ABCB5: variants seen among roughly 807,000 people sequenced by gnomAD.
ABCB5 encodes the protein ATP-binding cassette sub-family B member 5.
ABCB5 carries 155 observed loss-of-function variants against 144.2 expected under a neutral mutation model. The ratio of observed to expected loss-of-function variants is 1.08; its 90% CI spans 0.94 to 1.23. The LOEUF (loss-of-function observed/expected upper bound fraction) is 1.23, where lower values mean the gene tolerates loss of function less well. ABCB5 is among the 50% of genes most tolerant of loss of function. The pLI, the probability that ABCB5 is intolerant of heterozygous loss-of-function variation, is 0.00. For synonymous variants in ABCB5, 610 were observed against 528.6 expected (o/e 1.15, Z -2.11); for missense variants, 1,830 against 1,520.8 (o/e 1.20, Z -3.38).
intron 1 of ABCB5, among the ~76,000 whole-genome samples, chr7:20,620,056 C>T (rs1231249799): frequency 1.3e-5 from 2 of 152,260 alleles, no homozygotes; most frequent in South Asian, 2.1e-4. Context: ...CAATACCATG[C>T]TGTTTTGGTT....
rs139613676 is a variant in ABCB5, at chr7:20,734,693, G to A, written c.2868-4290G>A. Among the ~76,000 whole-genome samples, 907 of 151,992 alleles carry A rather than the reference G, an allele frequency of 6.0e-3. 4 individuals are homozygous for A. Among genetic ancestry groups the A allele is most frequent in the African/African-American group, 0.021 (865 of 41,454 alleles). ...ACACGCATGTCTTATGGTAGAAGCC[G>A]TCTCTATTTCTACTATCCTAGAAGT... On this transcript the variant is annotated intron_variant, in intron 23 of 27. Transcript: ENST00000404938.
intron 23 of ABCB5, among the ~76,000 whole-genome samples, chr7:20,730,364 C>A (rs1481847241): frequency 2.0e-5 from 3 of 152,124 alleles, no homozygotes; most frequent in Non-Finnish European, 4.4e-5. Flanking sequence ...CAAAAATTAG[C>A]CATGTATGGC....
chr7:20,666,508 G>A (rs1307471732), intron 14 of ABCB5, among the ~76,000 whole-genome samples: 1 of 152,124 alleles, frequency 6.6e-6, no homozygotes, highest in African/African-American at 2.4e-5. Flanking sequence ...CCGTATCTCT[G>A]CCTAGCAATT....
At chr7:20,650,667 T>C (rs1222350039) in intron 12 of ABCB5, among the ~76,000 whole-genome samples, 1 of 152,104 alleles carries the variant, frequency 6.6e-6, no homozygotes, top group African/African-American at 2.4e-5. Flanking sequence ...AGTGATTAAT[T>C]CTTAATGCTT....
intron 13 of ABCB5, among the ~76,000 whole-genome samples, chr7:20,652,867 G>A (rs928757878): frequency 6.6e-6 from 1 of 152,128 alleles, no homozygotes; most frequent in African/African-American, 2.4e-5. Flanking sequence ...TAACAGAAAT[G>A]TTTATTTTAA....
chr7:20,630,887 T>TAGG (rs1784023207), intron 4 of ABCB5, among the ~76,000 whole-genome samples: 1 of 152,196 alleles, frequency 6.6e-6, no homozygotes. Flanking sequence ...AGTTTCCTGG[T>TAGG]TTTATTGAAT....
At chr7:20,685,582 G>A in intron 15 of ABCB5, 114 bp from the exon 16 acceptor site, 1 of 939,458 alleles carries the variant, frequency 1.1e-6, no homozygotes, top group Non-Finnish European at 1.5e-6. Context: ...AACTACATTA[G>A]AATATGCCAC....
At chr7:20,650,421 A>T (rs1035440848) in intron 12 of ABCB5, among the ~76,000 whole-genome samples, 2 of 152,106 alleles carry the variant, frequency 1.3e-5, no homozygotes, top group Non-Finnish European at 2.9e-5. Context: ...GGCAGACAAT[A>T]AAAAAATAAG....
At chr7:20,667,464 G>A (rs1447760323) in intron 14 of ABCB5, 3 of 984,752 alleles carry the variant, frequency 3.0e-6, no homozygotes, top group African/African-American at 3.5e-5. Flanking sequence ...CCTTTTAATT[G>A]TTTGACTTTA....
intron 16 of ABCB5, among the ~76,000 whole-genome samples, chr7:20,686,214 A>T (rs944392708): frequency 6.6e-6 from 1 of 152,224 alleles, no homozygotes; most frequent in African/African-American, 2.4e-5. Context: ...CCCGGAATGC[A>T]GATAGGCCCA....
intron 20 of ABCB5, among the ~76,000 whole-genome samples, chr7:20,705,946 A>G (rs192237260): frequency 5.9e-5 from 9 of 152,224 alleles, no homozygotes; most frequent in Admixed American, 5.9e-4. Context: ...AGCTAATTTT[A>G]TGATGGAGAA....
chr7:20,751,180 G>A (rs1378429732), intron 26 of ABCB5, among the ~76,000 whole-genome samples: 4 of 152,116 alleles, frequency 2.6e-5, no homozygotes, highest in Admixed American at 6.5e-5. Context: ...AGGTGATTTC[G>A]GGGCACTCAC....
At chr7:20,745,829 T>A (rs917773752) in intron 26 of ABCB5, among the ~76,000 whole-genome samples, 10 of 152,210 alleles carry the variant, frequency 6.6e-5, no homozygotes, top group African/African-American at 2.4e-4. Context: ...AATTAGATCC[T>A]ATCCCTCCCC....
At chr7:20,627,145 C>T (rs1783927082) in intron 3 of ABCB5, among the ~76,000 whole-genome samples, 1 of 152,032 alleles carries the variant, frequency 6.6e-6, no homozygotes, top group Non-Finnish European at 1.5e-5. Context: ...CATGTGTTCC[C>T]AGACATGGTC....
chr7:20,742,870 T>A lies in ABCB5; in HGVS notation c.3025-7T>A. 6.2e-7 allele frequency: 1 copy of A among 1,613,934 alleles called. No individual in the cohort carries two copies. The highest frequency in any genetic ancestry group is 8.5e-7 in the Non-Finnish European group (1 of 1,179,934). ...TTCTTCTCAACTCTGTCAACTTCCT[T>A]TCACAGGACACATGTGAAGGGAATT... On this transcript the variant is annotated splice_polypyrimidine_tract_variant and splice_region_variant and intron_variant, in intron 24 of 27. Transcript: ENST00000404938.
intron 20 of ABCB5, among the ~76,000 whole-genome samples, chr7:20,722,553 A>G (rs1427743214): frequency 6.6e-6 from 1 of 152,226 alleles, no homozygotes; most frequent in Non-Finnish European, 1.5e-5. Context: ...ACATAAAAAT[A>G]AAGTATAATA....
At chr7:20,629,214 G>A (rs114818548) in intron 4 of ABCB5, among the ~76,000 whole-genome samples, 396 of 144,116 alleles carry the variant, frequency 2.7e-3, no homozygotes, top group African/African-American at 9.6e-3. Flanking sequence ...GAATTGGCTG[G>A]CTCACATGGT....
At chr7:20,720,519 C>T (rs972844528) in intron 20 of ABCB5, among the ~76,000 whole-genome samples, 2 of 152,136 alleles carry the variant, frequency 1.3e-5, no homozygotes, top group African/African-American at 4.8e-5. Flanking sequence ...ATGAGAAGAA[C>T]ACAGCATCAC....
intron 4 of ABCB5, among the ~76,000 whole-genome samples, chr7:20,630,383 T>A (rs1311994733): frequency 6.6e-6 from 1 of 151,682 alleles, no homozygotes; most frequent in South Asian, 2.1e-4. Context: ...AAAAAGCAAA[T>A]CTTTAAAGCA....
Sources: gnomAD v4.1 joint callset for allele counts (sites outside exome capture counted in the v4.1 genomes callset) on GRCh38, gnomAD v4.1.1 for gene constraint, MANE v1.5 for transcripts, NCBI Gene and HGNC (gene_info 2026-07-23, HGNC 2026-07-21) for gene names.